The following PAXIP1 variants were observed in gnomAD, a reference collection of about 807,000 sequenced individuals.
PAXIP1 encodes PAX-interacting protein 1.
A neutral mutation model predicts 140.6 loss-of-function variants in PAXIP1; 19 were observed. The observed-to-expected ratio is 0.14, with a 90% CI of 0.09 to 0.20. The LOEUF (loss-of-function observed/expected upper bound fraction) is 0.20. Among genes scored for constraint, PAXIP1 ranks in the 10% least tolerant of loss-of-function variants. The pLI is 1.00. For missense variants in PAXIP1, 920 were observed against 1,208.6 expected (o/e 0.76, Z 3.54); for synonymous variants, 442 against 444.6 (o/e 0.99, Z 0.07).
intron 10 of PAXIP1, 150 bp from the exon 11 acceptor site, chr7:154,961,798 C>G: frequency 1.4e-6 from 1 of 711,844 alleles, no homozygotes; most frequent in Non-Finnish European, 2.3e-6. Flanking sequence ...CTAAAACTTT[C>G]AAGACCAGAA....
At chr7:154,971,438 T>C (rs1809322271) in intron 6 of PAXIP1, among the ~76,000 whole-genome samples, 1 of 152,216 alleles carries the variant, frequency 6.6e-6, no homozygotes, top group Non-Finnish European at 1.5e-5. Context: ...CTTCTCCACT[T>C]GAGGAAGCGA....
intron 2 of PAXIP1, among the ~76,000 whole-genome samples, chr7:154,996,249 G>A (rs142880698): frequency 1.2e-3 from 189 of 152,232 alleles, no homozygotes; most frequent in African/African-American, 3.3e-3. Flanking sequence ...AGTCAGCTCC[G>A]AAGTACTCTA....
chr7:154,990,974 A>AT, intron 4 of PAXIP1, 32 bp downstream of exon 4: 1 of 1,389,288 alleles, frequency 7.2e-7, no homozygotes, highest in Non-Finnish European at 9.9e-7. Context: ...GTCACATATA[A>AT]ATAACTCAAG....
rs770449434 is a variant in PAXIP1, at chr7:154,986,029, AAC to A, written c.325-2699_325-2698del. 8 of 1,365,642 alleles carry A rather than the reference AAC, an allele frequency of 5.9e-6. No homozygotes were observed. The highest frequency in any genetic ancestry group is 7.8e-6 in the Non-Finnish European group (8 of 1,021,602). The allele number at this position is 1,365,642 out of a possible 1,614,324, so 84.6% of individuals were successfully genotyped here. A position where few individuals can be genotyped will look rare whatever the true frequency, so the allele number is the denominator to read the frequency against. ...CCCCAAAACCTACCCAGCACATTAC[AAC>A]AGAGGCCTCAGCCTGCATCAATACC... On this transcript the variant is annotated intron_variant, in intron 4 of 20. Transcript: ENST00000404141. This position sits in a 1 kb window ranked among gnomAD's most constrained non-coding sequence, Gnocchi z 4.8.
intron 5 of PAXIP1, among the ~76,000 whole-genome samples, chr7:154,979,040 A>T (rs1449102613): frequency 6.6e-6 from 1 of 152,190 alleles, no homozygotes; most frequent in Non-Finnish European, 1.5e-5. Flanking sequence ...TTTTCACAAG[A>T]TAGGTAGTTT....
At chr7:154,993,911 G>A in intron 2 of PAXIP1, 142 bp from the exon 3 acceptor site, 1 of 625,934 alleles carries the variant, frequency 1.6e-6, no homozygotes, top group Admixed American at 3.1e-5. Context: ...TATTCAAATA[G>A]AAATATTATA....
At chr7:154,996,694 T>C (rs886378022) in intron 2 of PAXIP1, among the ~76,000 whole-genome samples, 14 of 152,242 alleles carry the variant, frequency 9.2e-5, no homozygotes, top group African/African-American at 3.1e-4. Flanking sequence ...TGTTTACACA[T>C]TGAAATATAT....
At chr7:154,996,607 T>C (rs1810628594) in intron 2 of PAXIP1, among the ~76,000 whole-genome samples, 1 of 152,174 alleles carries the variant, frequency 6.6e-6, no homozygotes, top group African/African-American at 2.4e-5. Flanking sequence ...GCGACCCCAC[T>C]TGTGGGGTAT....
intron 3 of PAXIP1, among the ~76,000 whole-genome samples, chr7:154,991,983 T>TA (rs927430114): frequency 3.9e-5 from 6 of 152,044 alleles, no homozygotes; most frequent in African/African-American, 1.2e-4. Flanking sequence ...TCCCTGGCTG[T>TA]AAAAAAAACT....
chr7:155,002,086 A>G (rs1032090359), intron 1 of PAXIP1: 1 of 152,280 alleles, frequency 6.6e-6, no homozygotes, highest in Non-Finnish European at 1.5e-5. Context: ...ACTAAGATGC[A>G]TTCCTACCAC....
chr7:154,976,972 G>C (rs2150767317), intron 5 of PAXIP1, among the ~76,000 whole-genome samples: 1 of 152,372 alleles, frequency 6.6e-6, no homozygotes, highest in South Asian at 2.1e-4. Context: ...ACTGCTGAAT[G>C]ATGCAGTAAC....
chr7:154,996,952 T>C (rs77490478), intron 2 of PAXIP1, among the ~76,000 whole-genome samples: 14 of 152,268 alleles, frequency 9.2e-5, no homozygotes, highest in African/African-American at 3.4e-4. Context: ...ACATAACATC[T>C]GCATAAGATA....
intron 6 of PAXIP1, among the ~76,000 whole-genome samples, chr7:154,971,350 C>G (rs1390839713): frequency 6.6e-6 from 1 of 152,198 alleles, no homozygotes; most frequent in East Asian, 1.9e-4. Context: ...GCTGACCCAC[C>G]CCATTAAGGG....
rs1410837130 is a variant in PAXIP1 at position 154,962,315 on chromosome 7, T to A, written c.2127+6A>T. 1 of 1,613,550 alleles carries A rather than the reference T, an allele frequency of 6.2e-7. No homozygotes were observed. The highest frequency in any genetic ancestry group is 1.3e-5 in the African/African-American group (1 of 74,856). On this transcript the variant is annotated splice_donor_region_variant and intron_variant, in intron 10 of 20. Coordinates refer to ENST00000404141, the MANE Select transcript of PAXIP1 (RefSeq NM_007349.4). ...TAACAAATGGAACGCGAGGACTCTG[T>A]CTTACATGCTGTGAACATGGCTTTC...
intron 1 of PAXIP1, among the ~76,000 whole-genome samples, chr7:154,999,579 G>A (rs953814400): frequency 6.6e-6 from 1 of 152,172 alleles, no homozygotes; most frequent in Non-Finnish European, 1.5e-5. Context: ...TGAGAGAATC[G>A]GCAAGCCTTG....
At chr7:154,999,756 C>A (rs1810801001) in intron 1 of PAXIP1, among the ~76,000 whole-genome samples, 1 of 152,148 alleles carries the variant, frequency 6.6e-6, no homozygotes, top group Admixed American at 6.5e-5. Context: ...CAAGAGGCAT[C>A]CAGTTGCAGC....
chr7:154,955,153 A>G (rs1808449727), intron 15 of PAXIP1, among the ~76,000 whole-genome samples: 2 of 152,206 alleles, frequency 1.3e-5, no homozygotes. Flanking sequence ...CACTCTACCC[A>G]AGAAAACTAA....
chr7:154,977,864 A>C (rs762229963), intron 5 of PAXIP1, among the ~76,000 whole-genome samples: 23 of 143,276 alleles, frequency 1.6e-4, no homozygotes, highest in Non-Finnish European at 2.5e-4. Context: ...CTATGAAAAC[A>C]TGTATACTTT....
chr7:154,974,244 TTC>T (rs1490663507), intron 6 of PAXIP1: 2 of 152,280 alleles, frequency 1.3e-5, no homozygotes, highest in Non-Finnish European at 2.9e-5. Context: ...ATTCATTTTT[TTC>T]TGTCTCAAAC....
Sources: allele counts gnomAD v4.1 joint callset (sites outside exome capture counted in the v4.1 genomes callset), GRCh38; gene constraint gnomAD v4.1.1; non-coding constraint Gnocchi (gnomAD v3.1); transcripts MANE v1.5; gene names NCBI Gene and HGNC (gene_info 2026-07-23, HGNC 2026-07-21).